WWC1: variants seen among roughly 807,000 people sequenced by gnomAD.
The protein encoded by WWC1 is protein KIBRA.
A neutral mutation model predicts 138.4 loss-of-function variants in WWC1; 55 were observed. The ratio of observed to expected loss-of-function variants is 0.40; its 90% CI spans 0.32 to 0.50. WWC1 has a LOEUF of 0.50. Ranked by LOEUF, WWC1 falls within the 20% of genes least tolerant of loss-of-function variation. The pLI, the probability that WWC1 is intolerant of heterozygous loss-of-function variation, is 0.72. For synonymous variants in WWC1, 524 were observed against 564.9 expected (o/e 0.93, Z 1.03); for missense variants, 1,226 against 1,420.4 (o/e 0.86, Z 2.20).
At chr5:168,365,142 C>T (rs1335363450) in intron 1 of WWC1, among the ~76,000 whole-genome samples, 1 of 152,200 alleles carries the variant, frequency 6.6e-6, no homozygotes, top group Admixed American at 6.5e-5. Flanking sequence ...AAATGGTGTT[C>T]TGCAGCAGCC....
intron 6 of WWC1, 57 bp from the exon 7 acceptor site, chr5:168,408,450 G>A (rs1779972874): frequency 6.3e-7 from 1 of 1,588,866 alleles, no homozygotes; most frequent in Admixed American, 1.7e-5. Flanking sequence ...GAGCGTGGCA[G>A]ACCCAGAGCT....
chr5:168,391,760 CATAT>C (rs70976481), intron 3 of WWC1, among the ~76,000 whole-genome samples: 15,477 of 110,282 alleles, frequency 0.14, 1,054 homozygotes, highest in Non-Finnish European at 0.17. Context: ...ATTTTTAAGG[CATAT>C]ATATATATAT....
intron 1 of WWC1, among the ~76,000 whole-genome samples, chr5:168,301,511 G>A (rs1442210012): frequency 2.5e-4 from 38 of 151,998 alleles, no homozygotes; most frequent in Non-Finnish European, 2.9e-5. Flanking sequence ...GGTAGCAGGC[G>A]CCTGTAATCC....
intron 1 of WWC1, among the ~76,000 whole-genome samples, chr5:168,344,990 C>T (rs1231628022): frequency 6.6e-6 from 1 of 152,164 alleles, no homozygotes; most frequent in African/African-American, 2.4e-5. Flanking sequence ...GGACATTTTT[C>T]TCTTCTCGTT....
chr5:168,319,547 G>T lies in WWC1; in HGVS notation c.119+27276G>T, dbSNP rs1384254519. ...TTTTGAGACAAGGTCTCTTTCTCAG[G>T]CTGGAGTGCAGTGGTACGATCTTAG... On this transcript the variant is annotated intron_variant, in intron 1 of 22. Transcript: ENST00000265293. Among the ~76,000 whole-genome samples the T allele has an allele frequency of 3.3e-5, 5 of 152,166 alleles. No homozygotes were observed. In the East Asian group the frequency reaches 7.7e-4, roughly 23 times the overall value.
At chr5:168,339,525 G>A (rs1208348929) in intron 1 of WWC1, among the ~76,000 whole-genome samples, 1 of 152,172 alleles carries the variant, frequency 6.6e-6, no homozygotes, top group Non-Finnish European at 1.5e-5. Flanking sequence ...GCTTTCCCTG[G>A]TTCTGCCGTT....
At chr5:168,313,726 G>A (rs977626600) in intron 1 of WWC1, among the ~76,000 whole-genome samples, 5 of 152,162 alleles carry the variant, frequency 3.3e-5, no homozygotes, top group African/African-American at 1.2e-4. Context: ...TACTACTTCT[G>A]TTGTTTTTCT....
chr5:168,353,832 G>A (rs1775184674), intron 1 of WWC1, among the ~76,000 whole-genome samples: 1 of 152,162 alleles, frequency 6.6e-6, no homozygotes, highest in Admixed American at 6.5e-5. Context: ...AGCATGCACG[G>A]ATTTCACCTT....
At chr5:168,452,654 C>G (rs1418699933) in intron 17 of WWC1, among the ~76,000 whole-genome samples, 1 of 152,166 alleles carries the variant, frequency 6.6e-6, no homozygotes, top group Non-Finnish European at 1.5e-5. Flanking sequence ...AAATGAAAAC[C>G]TATATTCATG....
chr5:168,385,078 G>A (rs1777936693), intron 2 of WWC1, 133 bp from the exon 3 acceptor site: 11 of 830,758 alleles, frequency 1.3e-5, no homozygotes, highest in Non-Finnish European at 2.1e-5. Context: ...TAGTAAATGA[G>A]TTTGCCCCAC....
intron 1 of WWC1, among the ~76,000 whole-genome samples, chr5:168,334,986 G>T (rs1425564614): frequency 6.6e-6 from 1 of 152,148 alleles, no homozygotes; most frequent in Non-Finnish European, 1.5e-5. Flanking sequence ...CCTAGGAGGA[G>T]CCTGCAGGGA....
intron 3 of WWC1, among the ~76,000 whole-genome samples, chr5:168,387,049 C>T (rs1359178187): frequency 6.6e-6 from 1 of 152,238 alleles, no homozygotes; most frequent in African/African-American, 2.4e-5. Context: ...TGTTAATTCT[C>T]ATAACAGTTC....
At chr5:168,445,346 A>G (rs943878176) in intron 17 of WWC1, among the ~76,000 whole-genome samples, 1 of 151,760 alleles carries the variant, frequency 6.6e-6, no homozygotes, top group Non-Finnish European at 1.5e-5. Flanking sequence ...GCTATTCGGG[A>G]GGCTGAGGCA....
intron 11 of WWC1, 35 bp downstream of exon 11, chr5:168,424,103 G>T: frequency 1.9e-6 from 3 of 1,547,070 alleles, no homozygotes; most frequent in Non-Finnish European, 2.6e-6. Flanking sequence ...TGGGAACCAG[G>T]AGGAGGGAAA....
At chr5:168,403,408 T>A (rs1366744268) in intron 5 of WWC1, among the ~76,000 whole-genome samples, 1 of 151,960 alleles carries the variant, frequency 6.6e-6, no homozygotes, top group African/African-American at 2.4e-5. Context: ...GCTCTGTTGT[T>A]TTTGAAGAGC....
intron 5 of WWC1, among the ~76,000 whole-genome samples, chr5:168,404,247 C>G (rs1159242201): frequency 3.9e-5 from 6 of 152,354 alleles, no homozygotes; most frequent in Non-Finnish European, 1.5e-5. Context: ...CCTGCAGCCC[C>G]TATGCCCATC....
chr5:168,339,907 T>TTC (rs10593765), intron 1 of WWC1, among the ~76,000 whole-genome samples: 3 of 138,302 alleles, frequency 2.2e-5, no homozygotes, highest in East Asian at 2.2e-4. Flanking sequence ...CTCTCTCTCT[T>TTC]TCTCTCTCTC....
At chr5:168,419,069 T>G (rs1414514038) in intron 9 of WWC1, among the ~76,000 whole-genome samples, 1 of 152,148 alleles carries the variant, frequency 6.6e-6, no homozygotes, top group Non-Finnish European at 1.5e-5. Flanking sequence ...ACTTTTCCGT[T>G]GTGTTTAGAG....
intron 1 of WWC1, among the ~76,000 whole-genome samples, chr5:168,298,716 T>A (rs6555793): frequency 0.59 from 90,027 of 152,100 alleles, 27,945 homozygotes; most frequent in East Asian, 0.82. Context: ...AGCATTCTAT[T>A]TTGTGACCTC....
Sources: allele counts gnomAD v4.1 joint callset (sites outside exome capture counted in the v4.1 genomes callset), GRCh38; gene constraint gnomAD v4.1.1; transcripts MANE v1.5; gene names NCBI Gene and HGNC (gene_info 2026-07-23, HGNC 2026-07-21).